Variants in TRAPPC12 observed in about 807,000 individuals in gnomAD.
The protein encoded by TRAPPC12 is trafficking protein particle complex subunit 12.
A neutral mutation model predicts 69.2 loss-of-function variants in TRAPPC12; 61 were observed. That is an observed-to-expected ratio of 0.88 (90% CI 0.72 to 1.09). The LOEUF (loss-of-function observed/expected upper bound fraction) is 1.09, where lower values mean the gene tolerates loss of function less well. TRAPPC12 is among the 50% of genes least tolerant of loss of function. The pLI is 0.00. For missense variants in TRAPPC12, 1,101 were observed against 1,016.4 expected (o/e 1.08, Z -1.13); for synonymous variants, 469 against 438.9 (o/e 1.07, Z -0.86).
In TRAPPC12 at chr2:3,471,582, G is replaced by A. The variant is rs1666064038; in HGVS notation, c.1776+5887G>A. Among the ~76,000 whole-genome samples the A allele has an allele frequency of 2.0e-5, 3 of 152,326 alleles. No homozygotes were observed. In the South Asian group the frequency reaches 6.2e-4, roughly 32 times the overall value. On this transcript the variant is annotated intron_variant, in intron 9 of 11. Transcript: ENST00000324266. Reference sequence around the variant, plus strand: ...GAGGAGAGAGAATGGGGCCCAGTGGGAATTTCCAGTTCTGAAGGAAATCTG... The same window carrying A: ...GAGGAGAGAGAATGGGGCCCAGTGGAAATTTCCAGTTCTGAAGGAAATCTG...
At chr2:3,395,560 C>CTTTTTTTT (rs10671671) in intron 2 of TRAPPC12, among the ~76,000 whole-genome samples, 1 of 118,148 alleles carries the variant, frequency 8.5e-6, no homozygotes, top group Non-Finnish European at 1.7e-5. Flanking sequence ...AAAATTATTA[C>CTTTTTTTT]TTTTTTTTTT....
chr2:3,457,065 C>T (rs1170043412), intron 6 of TRAPPC12: 3 of 461,974 alleles, frequency 6.5e-6, no homozygotes, highest in South Asian at 1.6e-5. Flanking sequence ...TCCCTGTGGG[C>T]GAACGGGATA....
chr2:3,476,577 A>G (rs1038387101), intron 9 of TRAPPC12, among the ~76,000 whole-genome samples: 1 of 152,214 alleles, frequency 6.6e-6, no homozygotes, highest in Non-Finnish European at 1.5e-5. Context: ...TCCTTGTGTA[A>G]ATGCTTTGAA....
chr2:3,402,177 A>T (rs1287588871), intron 3 of TRAPPC12, among the ~76,000 whole-genome samples: 4 of 152,184 alleles, frequency 2.6e-5, no homozygotes, highest in Non-Finnish European at 4.4e-5. Context: ...AATAGAGATA[A>T]ATGATTTGTG....
Position 3,457,661 on chromosome 2 carries a change from G to C in TRAPPC12, c.1571G>C (p.Gly524Ala). The C allele has an allele frequency of 6.2e-7, 1 of 1,611,808 alleles. No homozygotes were observed. The highest frequency in any genetic ancestry group is 8.5e-7 in the Non-Finnish European group (1 of 1,179,964). ...NLEQGLAEDG[G>A]MSSVTQEGRQ... is the part of the protein sequence containing the mutation. ...GAGCAAGGCTTAGCAGAAGACGGCG[G>C]CATGAGCAGCGTGACTCAGGAGGGC... Residue 524 changes from glycine to alanine, a missense_variant, in exon 7 of 12, where the codon GGC becomes GCC. Transcript: ENST00000324266.
chr2:3,418,074 C>T (rs1042022411), intron 3 of TRAPPC12, among the ~76,000 whole-genome samples: 3 of 142,632 alleles, frequency 2.1e-5, no homozygotes, highest in Non-Finnish European at 4.6e-5. Context: ...GTCATAGTGG[C>T]AGGCACAGTG....
At chr2:3,477,883 A>G (rs1666364409) in intron 10 of TRAPPC12, 88 bp downstream of exon 10, 2 of 807,036 alleles carry the variant, frequency 2.5e-6, no homozygotes, top group Admixed American at 5.9e-5. Context: ...CTCCCTAGAG[A>G]AGGCGCTTCT....
At chr2:3,432,752 C>T (rs1663509191) in intron 5 of TRAPPC12, among the ~76,000 whole-genome samples, 1 of 152,174 alleles carries the variant, frequency 6.6e-6, no homozygotes, top group South Asian at 2.1e-4. Context: ...TTAGAACAAA[C>T]TACTAAAAAT....
intron 2 of TRAPPC12, among the ~76,000 whole-genome samples, chr2:3,395,423 AT>A (rs148864205): frequency 0.17 from 24,171 of 145,082 alleles, 2,164 homozygotes; most frequent in Non-Finnish European, 0.21. Flanking sequence ...ATGTGTTGCA[AT>A]TTTTTTTTTT....
At chr2:3,381,268 C>T (rs1237194443) in intron 1 of TRAPPC12, among the ~76,000 whole-genome samples, 2 of 152,172 alleles carry the variant, frequency 1.3e-5, no homozygotes, top group Non-Finnish European at 2.9e-5. Context: ...TACACACCCT[C>T]GTGCCCTTAT....
At chr2:3,385,849 G>T (rs920932800) in intron 1 of TRAPPC12, among the ~76,000 whole-genome samples, 2 of 152,222 alleles carry the variant, frequency 1.3e-5, no homozygotes, top group Non-Finnish European at 2.9e-5. Context: ...TTTGCTCCTT[G>T]TGCCCGGCCT....
Position 3,421,737 on chromosome 2 carries a change from A to G in TRAPPC12, c.1165-144A>G, listed in dbSNP as rs779807059. ...GCATGCCCCTCCGTGCCGTCAGCAC[A>G]CTGACGTTGTCACCATTACTAACGG... On this transcript the variant is annotated intron_variant, in intron 3 of 11. Transcript: ENST00000324266. 7.8e-6 allele frequency: 6 copies of G among 766,982 alleles called. No homozygotes were observed. The East Asian group carries it at 8.0e-5, about 10-fold the overall frequency. 47.5% of individuals were successfully genotyped at this position (766,982 alleles called of 1,614,324 possible). A position where few individuals can be genotyped will look rare whatever the true frequency, so the allele number is the denominator to read the frequency against.
intron 1 of TRAPPC12, among the ~76,000 whole-genome samples, chr2:3,383,835 T>C (rs1199364219): frequency 1.3e-5 from 2 of 150,296 alleles, no homozygotes; most frequent in Non-Finnish European, 3.0e-5. Context: ...CTTCCTTTGA[T>C]GTGTGCTACA....
chr2:3,422,087 A>C, intron 4 of TRAPPC12, 93 bp downstream of exon 4: 9 of 950,152 alleles, frequency 9.5e-6, no homozygotes, highest in Non-Finnish European at 1.5e-5. Context: ...AATAACAAAA[A>C]GTATGTTTTC....
At position 3,479,410 on chromosome 2, in the gene TRAPPC12, C is replaced by T. The variant is rs13986; in HGVS notation, c.2157C>T (p.Val719=). Residue 719 remains valine (V), a synonymous_variant, in exon 12 of 12, where the codon GTC becomes GTT. Transcript: ENST00000324266. ...MQKKQALLEA[V]AGKEGDSFNT... Reference sequence around the variant, plus strand: ...AGAAACAGGCCCTGCTGGAGGCTGTCGCCGGCAAGGAGGGGGACAGCTTCA... The same window carrying T: ...AGAAACAGGCCCTGCTGGAGGCTGTTGCCGGCAAGGAGGGGGACAGCTTCA... The T allele has an allele frequency of 0.12, 196,978 of 1,613,984 alleles. 13,194 individuals are homozygous for T. Among genetic ancestry groups the T allele is most frequent in the African/African-American group, 0.22 (16,450 of 74,992 alleles).
intron 7 of TRAPPC12, chr2:3,459,902 C>T (rs904301410): frequency 5.7e-6 from 2 of 350,142 alleles, no homozygotes; most frequent in South Asian, 4.7e-5. Flanking sequence ...CCAGCCTTGT[C>T]GAGCTGCAGG....
Position 3,422,011 on chromosome 2 carries a change from G to A in TRAPPC12, c.1278+17G>A. On this transcript the variant is annotated intron_variant, in intron 4 of 11. Transcript: ENST00000324266. ...TCACTGCAGGTGAGAACACCTTTCAGGTGCTGGAGTTTAACCTGGCTTATC... is the reference window on the plus strand; with the variant it reads ...TCACTGCAGGTGAGAACACCTTTCAAGTGCTGGAGTTTAACCTGGCTTATC... 6.3e-7 allele frequency: 1 copy of A among 1,593,114 alleles called. No homozygotes were observed. The highest frequency in any genetic ancestry group is 1.1e-5 in the South Asian group (1 of 88,760).
intron 9 of TRAPPC12, among the ~76,000 whole-genome samples, chr2:3,476,007 C>T (rs1666278363): frequency 1.3e-5 from 2 of 152,186 alleles, no homozygotes; most frequent in African/African-American, 2.4e-5. Flanking sequence ...AGCTGAGGGC[C>T]GCGTCACGGA....
At chr2:3,460,872 CG>C (rs1558401723) in intron 8 of TRAPPC12, 1 of 153,314 alleles carries the variant, frequency 6.5e-6, no homozygotes, top group Non-Finnish European at 1.5e-5. Context: ...GCCTGTGCAA[CG>C]GTGTTTTTTG....
Sources: gnomAD v4.1 joint callset for allele counts (sites outside exome capture counted in the v4.1 genomes callset) on GRCh38, gnomAD v4.1.1 for gene constraint, MANE v1.5 for transcripts, NCBI Gene and HGNC (gene_info 2026-07-23, HGNC 2026-07-21) for gene names.